Variants in NCOA7 observed in about 807,000 individuals in gnomAD.
The protein encoded by NCOA7 is 140 kDa estrogen receptor-associated protein.
NCOA7 carries 45 observed loss-of-function variants against 104.3 expected under a neutral mutation model. The observed-to-expected ratio is 0.43, with a 90% CI of 0.34 to 0.55. The LOEUF (loss-of-function observed/expected upper bound fraction) is 0.55. NCOA7 is among the 20% of genes least tolerant of loss of function. NCOA7 has a pLI of 0.02. For missense variants in NCOA7, 1,041 were observed against 1,119.7 expected (o/e 0.93, Z 1.00); for synonymous variants, 398 against 402.3 (o/e 0.99, Z 0.13).
At chr6:125,812,346 T>C (rs2128567366) in intron 1 of NCOA7, among the ~76,000 whole-genome samples, 1 of 152,334 alleles carries the variant, frequency 6.6e-6, no homozygotes, top group Middle Eastern at 3.4e-3. Flanking sequence ...TTTTGGATTC[T>C]TACTTAGTAT....
chr6:125,888,497 AGTT>A (rs1784409052), intron 8 of NCOA7, among the ~76,000 whole-genome samples: 1 of 151,196 alleles, frequency 6.6e-6, no homozygotes, highest in Admixed American at 6.6e-5. Flanking sequence ...AAATTAATGT[AGTT>A]GTTTTCTACA....
At chr6:125,883,483 A>G (rs1784014161) in intron 7 of NCOA7, among the ~76,000 whole-genome samples, 1 of 152,148 alleles carries the variant, frequency 6.6e-6, no homozygotes, top group Non-Finnish European at 1.5e-5. Context: ...TTTATTACCT[A>G]AAAAGAAACT....
At position 125,799,630 on chromosome 6, in the gene NCOA7, C is replaced by T. The variant is rs528370799; in HGVS notation, c.-65+8563C>T. Among the ~76,000 whole-genome samples the T allele has an allele frequency of 3.4e-4, 52 of 152,052 alleles. 1 individual carries two copies. The highest frequency in any genetic ancestry group is 4.2e-4 in the South Asian group (2 of 4,812). On this transcript the variant is annotated intron_variant, in intron 1 of 15. Transcript: ENST00000392477. ...AATTTTTTTGTATTTTTAGTAGAGA[C>T]GGGGTTTCACCTGGTTGGTCAGGCT... is the stretch of plus-strand genomic sequence containing the variant.
In NCOA7 at chr6:125,864,844, T is replaced by C. The variant is rs1236764642; in HGVS notation, c.271+9604T>C. 3.6e-5 allele frequency among the ~76,000 whole-genome samples: 5 copies of C among 138,046 alleles called. 1 individual carries two copies. The highest frequency in any genetic ancestry group is 1.5e-4 in the African/African-American group (5 of 33,104). 90.6% of individuals were successfully genotyped at this position (138,046 alleles called of 152,430 possible). ...CTAAGACAATGGCTGTATATAGTTT[T>C]GATTCACGTGAAATTGGCTTTCATA... On this transcript the variant is annotated intron_variant, in intron 3 of 15. Transcript: ENST00000392477.
At chr6:125,919,458 A>T (rs1188547624) in intron 11 of NCOA7, 2 of 1,607,374 alleles carry the variant, frequency 1.2e-6, no homozygotes, top group East Asian at 2.2e-5. Context: ...CCCGAGGGCT[A>T]ATAAGGTGCT....
rs1459321375 is a variant in NCOA7 at position 125,885,301 on chromosome 6, A to G, written c.842A>G (p.Tyr281Cys). The G allele has an allele frequency of 3.7e-6, 6 of 1,614,002 alleles. No individual in the cohort carries two copies. The highest frequency in any genetic ancestry group is 2.2e-5 in the East Asian group (1 of 44,876). The change falls in exon 8 of 16, where the codon TAC becomes TGC. Residue 281 changes from tyrosine (Y) to cysteine (C), a missense_variant. This residue lies in a region of NCOA7 where 914 missense variants were observed against 942.7 expected (regional missense o/e 0.97). Coordinates refer to ENST00000392477, the MANE Select transcript of NCOA7 (RefSeq NM_181782.5). ...GAAGAGGTTGTTTCCATTGCGCTCTACAATGACATTTCTCACATGAAGATC... is the reference window on the plus strand; with the variant it reads ...GAAGAGGTTGTTTCCATTGCGCTCTGCAATGACATTTCTCACATGAAGATC... ...PMEEVVSIAL[Y>C]NDISHMKIKD...
chr6:125,867,098 A>T (rs9482711), intron 3 of NCOA7, among the ~76,000 whole-genome samples: 19,690 of 152,210 alleles, frequency 0.13, 1,689 homozygotes, highest in African/African-American at 0.25. Flanking sequence ...TTGTCTTGTT[A>T]TATTTATTCC....
intron 1 of NCOA7, among the ~76,000 whole-genome samples, chr6:125,791,349 A>G (rs1241997584): frequency 6.6e-4 from 101 of 152,204 alleles, no homozygotes; most frequent in Non-Finnish European, 1.0e-4. Flanking sequence ...TGGGGAGGAC[A>G]GGTTGGCATG....
intron 3 of NCOA7, among the ~76,000 whole-genome samples, chr6:125,871,408 A>T (rs1782889754): frequency 6.6e-6 from 1 of 152,250 alleles, no homozygotes; most frequent in East Asian, 1.9e-4. Context: ...CCAGTCCCAG[A>T]CACACAGGAC....
intron 3 of NCOA7, among the ~76,000 whole-genome samples, chr6:125,866,862 A>G (rs571033056): frequency 6.6e-6 from 1 of 152,174 alleles, no homozygotes; most frequent in Non-Finnish European, 1.5e-5. Context: ...TCTTTGAAAA[A>G]TAATTTTGGA....
In NCOA7 at chr6:125,817,936, G is replaced by A. The variant is rs577949894; in HGVS notation, c.50+2532G>A. ...GAATTTATTTGTGGATAAGATATGA[G>A]TTTAGGTCAAAATGGTGGTCATGCT... On this transcript the variant is annotated intron_variant, in intron 2 of 15. Coordinates refer to ENST00000392477, the MANE Select transcript of NCOA7 (RefSeq NM_181782.5). Among the ~76,000 whole-genome samples, 433 of 152,056 alleles carry A rather than the reference G, an allele frequency of 2.8e-3. 21 individuals are homozygous for A. The South Asian group carries it at 0.077, about 27-fold the overall frequency.
chr6:125,814,084 A>G (rs1777341234), intron 1 of NCOA7, among the ~76,000 whole-genome samples: 1 of 152,088 alleles, frequency 6.6e-6, no homozygotes, highest in African/African-American at 2.4e-5. Flanking sequence ...TTGTGGATTA[A>G]TTTGTTTATT....
intron 3 of NCOA7, among the ~76,000 whole-genome samples, chr6:125,871,633 G>A (rs974047010): frequency 1.3e-5 from 2 of 152,160 alleles, no homozygotes; most frequent in Non-Finnish European, 2.9e-5. Context: ...TTACATCAGT[G>A]AAAAGTGTTG....
chr6:125,876,172 G>A (rs1248230902), intron 4 of NCOA7, among the ~76,000 whole-genome samples: 1 of 152,176 alleles, frequency 6.6e-6, no homozygotes, highest in Non-Finnish European at 1.5e-5. Context: ...AAGACAGGCA[G>A]CAAGATCTAA....
intron 1 of NCOA7, among the ~76,000 whole-genome samples, chr6:125,795,608 G>C (rs57299723): frequency 0.13 from 19,074 of 152,176 alleles, 1,563 homozygotes; most frequent in African/African-American, 0.23. Context: ...ATGCCTTGGA[G>C]TGTTGTCTGC....
chr6:125,927,365 G>A (rs1280931956), intron 13 of NCOA7, among the ~76,000 whole-genome samples: 2 of 152,140 alleles, frequency 1.3e-5, no homozygotes, highest in Non-Finnish European at 2.9e-5. Context: ...TGTCTCCATA[G>A]TGAACTTTGG....
In NCOA7 at chr6:125,862,837, T is replaced by G. The variant is rs957765118; in HGVS notation, c.271+7597T>G. 9.5e-5 allele frequency among the ~76,000 whole-genome samples: 13 copies of G among 136,768 alleles called. 4 individuals are homozygous for G. Among genetic ancestry groups the G allele is most frequent in the African/African-American group, 4.0e-4 (13 of 32,560 alleles). The allele number at this position is 136,768 out of a possible 152,430, so 89.7% of individuals were successfully genotyped here. ...GGTGAAACCCTGTCTCTACTAAACATACAAAAAAATTAGCTGGACATGTGG... is the reference window on the plus strand; with the variant it reads ...GGTGAAACCCTGTCTCTACTAAACAGACAAAAAAATTAGCTGGACATGTGG... On this transcript the variant is annotated intron_variant, in intron 3 of 15. Coordinates refer to ENST00000392477, the MANE Select transcript of NCOA7 (RefSeq NM_181782.5).
At chr6:125,867,190 C>G (rs1231034009) in intron 3 of NCOA7, among the ~76,000 whole-genome samples, 2 of 152,208 alleles carry the variant, frequency 1.3e-5, no homozygotes. Flanking sequence ...ATTATGATAT[C>G]TGGCCACCTT....
chr6:125,903,623 AT>A (rs1018267312), intron 10 of NCOA7, among the ~76,000 whole-genome samples: 1 of 151,766 alleles, frequency 6.6e-6, no homozygotes, highest in African/African-American at 2.4e-5. Flanking sequence ...TTAAATAGTA[AT>A]TTTTTTTACT....
Sources: allele counts gnomAD v4.1 joint callset (sites outside exome capture counted in the v4.1 genomes callset), GRCh38; gene constraint gnomAD v4.1.1; regional missense constraint gnomAD v4.1.1; transcripts MANE v1.5; gene names NCBI Gene and HGNC (gene_info 2026-07-23, HGNC 2026-07-21).